Variants in ROBO2 observed in about 807,000 individuals in gnomAD.
ROBO2 encodes the protein roundabout homolog 2.
Under a neutral mutation model 160.8 loss-of-function variants are expected in ROBO2, and 53 were observed. The observed-to-expected ratio is 0.33, with a 90% CI of 0.26 to 0.41. The LOEUF is 0.41. ROBO2 is among the 10% of genes least tolerant of loss of function. The pLI is 1.00. For missense variants in ROBO2, 1,577 were observed against 1,722.4 expected (o/e 0.92, Z 1.49); for synonymous variants, 664 against 611.7 (o/e 1.09, Z -1.26).
At chr3:77,349,797 GC>G (rs2153457376) in intron 2 of ROBO2, among the ~76,000 whole-genome samples, 2 of 152,030 alleles carry the variant, frequency 1.3e-5, no homozygotes, top group Non-Finnish European at 2.9e-5. Context: ...TTTCAGAGAG[GC>G]CTTTCTTTGT....
chr3:77,106,156 CCA>C (rs2072768915), intron 2 of ROBO2, among the ~76,000 whole-genome samples: 1 of 152,090 alleles, frequency 6.6e-6, no homozygotes, highest in Non-Finnish European at 1.5e-5. Flanking sequence ...GATTCTCCCA[CCA>C]CAGCTTCCCA....
intron 6 of ROBO2, among the ~76,000 whole-genome samples, chr3:77,544,109 TG>T (rs1485933608): frequency 8.4e-5 from 5 of 59,194 alleles, no homozygotes; most frequent in Non-Finnish European, 2.0e-4. Flanking sequence ...AAACCTTAAG[TG>T]TTTTTTTTTT....
intron 2 of ROBO2, among the ~76,000 whole-genome samples, chr3:76,146,862 C>A (rs888756965): frequency 6.8e-6 from 1 of 148,042 alleles, no homozygotes; most frequent in Non-Finnish European, 1.5e-5. Flanking sequence ...CTCTCCCCTC[C>A]ACCACACACA....
intron 2 of ROBO2, among the ~76,000 whole-genome samples, chr3:77,204,546 T>C (rs1388423878): frequency 6.6e-6 from 1 of 152,190 alleles, no homozygotes; most frequent in African/African-American, 2.4e-5. Flanking sequence ...AAAATCTATA[T>C]GTTTAAGTTT....
intron 2 of ROBO2, among the ~76,000 whole-genome samples, chr3:77,363,481 T>C (rs1184095497): frequency 6.6e-6 from 1 of 152,100 alleles, no homozygotes; most frequent in African/African-American, 2.4e-5. Context: ...AACAGAAAGG[T>C]ATAACAAATT....
At chr3:77,311,335 G>A (rs1362110311) in intron 2 of ROBO2, among the ~76,000 whole-genome samples, 1 of 152,116 alleles carries the variant, frequency 6.6e-6, no homozygotes, top group Non-Finnish European at 1.5e-5. Flanking sequence ...AATCAAATAT[G>A]TCTTATACAT....
At chr3:77,318,905 G>T (rs1462701918) in intron 2 of ROBO2, among the ~76,000 whole-genome samples, 1 of 152,154 alleles carries the variant, frequency 6.6e-6, no homozygotes. Context: ...AGGTCATCAT[G>T]ATTGCTTTAG....
chr3:76,111,081 A>G (rs1028820802), intron 2 of ROBO2, among the ~76,000 whole-genome samples: 4 of 152,052 alleles, frequency 2.6e-5, no homozygotes, highest in Non-Finnish European at 4.4e-5. Flanking sequence ...CCATATTTGG[A>G]AAGATGGTCT....
chr3:76,990,934 G>A (rs2060631502), intron 2 of ROBO2, among the ~76,000 whole-genome samples: 1 of 152,124 alleles, frequency 6.6e-6, no homozygotes, highest in African/African-American at 2.4e-5. Flanking sequence ...GGCGGGCCAA[G>A]CAGGCAGCCC....
rs545774598 is a variant in ROBO2, at chr3:76,036,948, A to G, written c.109+99346A>G. ...ACATTTTACCATAGCGAACTTACCC[A>G]TGCTTGTTTTTCAGTGTGTTCATTT... is the stretch of plus-strand genomic sequence containing the variant. On this transcript the variant is annotated intron_variant, in intron 2 of 26. Coordinates refer to the ROBO2 transcript ENST00000487694. Among the ~76,000 whole-genome samples, 78 of 152,064 alleles carry G rather than the reference A, an allele frequency of 5.1e-4. 1 individual carries two copies. The highest frequency in any genetic ancestry group is 1.7e-3 in the African/African-American group (71 of 41,360).
At chr3:76,934,611 C>T (rs779653627) in intron 2 of ROBO2, among the ~76,000 whole-genome samples, 8 of 152,060 alleles carry the variant, frequency 5.3e-5, no homozygotes, top group Non-Finnish European at 1.5e-5. Context: ...CATGGTGGTG[C>T]ATGCCTGTAG....
intron 2 of ROBO2, among the ~76,000 whole-genome samples, chr3:76,905,812 A>C (rs2075564553): frequency 6.6e-6 from 1 of 152,196 alleles, no homozygotes; most frequent in East Asian, 1.9e-4. Context: ...GTGCGGAGTT[A>C]CTAGAATGTT....
chr3:76,333,695 T>G (rs1047655099), intron 2 of ROBO2, among the ~76,000 whole-genome samples: 1 of 152,196 alleles, frequency 6.6e-6, no homozygotes, highest in Admixed American at 6.5e-5. Context: ...AAAAGAAGCC[T>G]AGCTTCATAG....
At position 77,248,443 on chromosome 3, in the gene ROBO2, G is replaced by T. The variant is rs567845028; in HGVS notation, c.388+150103G>T. 8.6e-4 allele frequency among the ~76,000 whole-genome samples: 130 copies of T among 151,894 alleles called. 2 individuals are homozygous for T. The highest frequency in any genetic ancestry group is 3.1e-3 in the Admixed American group (48 of 15,262). On this transcript the variant is annotated intron_variant, in intron 2 of 25. Coordinates refer to ENST00000461745, the Ensembl canonical transcript of ROBO2. Reference sequence around the variant, plus strand: ...TGAAAAACTGTCACACTGACCCTCCGCTGAGCTGCTAACACTGAAGCCATC... The same window carrying T: ...TGAAAAACTGTCACACTGACCCTCCTCTGAGCTGCTAACACTGAAGCCATC...
At chr3:76,729,721 T>C (rs551075277) in intron 2 of ROBO2, among the ~76,000 whole-genome samples, 2 of 151,490 alleles carry the variant, frequency 1.3e-5, no homozygotes, top group African/African-American at 4.8e-5. Flanking sequence ...CCCTGCAGCC[T>C]CTGCCTCCCA....
In ROBO2 at chr3:76,141,060, C is replaced by CACATATATATATATATATATATAT. The variant is rs540516906; in HGVS notation, c.109+203459_109+203460insCATATATATATATATATATATATA. Among the ~76,000 whole-genome samples, 35 of 53,586 alleles carry CACATATATATATATATATATATAT rather than the reference C, an allele frequency of 6.5e-4. 1 individual carries two copies. The highest frequency in any genetic ancestry group is 2.5e-3 in the African/African-American group (35 of 14,236). 35.2% of individuals were successfully genotyped at this position (53,586 alleles called of 152,430 possible). ...ACACACACAGATGTCTTTTTACATA[C>CACATATATATATATATATATATAT]ATATATATATATATATAAAATATAT... is the stretch of plus-strand genomic sequence containing the variant. On this transcript the variant is annotated intron_variant, in intron 2 of 26. Coordinates refer to the ROBO2 transcript ENST00000487694.
chr3:76,660,213 T>G (rs1413361136), intron 2 of ROBO2, among the ~76,000 whole-genome samples: 1 of 152,204 alleles, frequency 6.6e-6, no homozygotes, highest in Non-Finnish European at 1.5e-5. Context: ...TTTCTAGCAG[T>G]GTATTTTCAG....
At chr3:76,324,020 A>G (rs2072802174) in intron 2 of ROBO2, among the ~76,000 whole-genome samples, 1 of 152,206 alleles carries the variant, frequency 6.6e-6, no homozygotes, top group Non-Finnish European at 1.5e-5. Context: ...AGTTCTACTG[A>G]GGATCAAGAC....
chr3:76,172,210 T>C (rs1257530778), intron 2 of ROBO2, among the ~76,000 whole-genome samples: 1 of 150,024 alleles, frequency 6.7e-6, no homozygotes, highest in African/African-American at 2.5e-5. Context: ...ACACTGCATG[T>C]TCTCACTCAT....
Sources: allele counts gnomAD v4.1 joint callset (sites outside exome capture counted in the v4.1 genomes callset), GRCh38; gene constraint gnomAD v4.1.1; transcripts MANE v1.5; gene names NCBI Gene and HGNC (gene_info 2026-07-23, HGNC 2026-07-21).